MYO9A: variants seen among roughly 807,000 people sequenced by gnomAD.
MYO9A encodes the protein myosin IXA, also known as unconventional myosin-IXa.
MYO9A carries 103 observed loss-of-function variants against 293.3 expected under a neutral mutation model. That is an observed-to-expected ratio of 0.35 (90% CI 0.30 to 0.41). The LOEUF (loss-of-function observed/expected upper bound fraction) is 0.41. MYO9A is among the 10% of genes least tolerant of loss of function. The pLI, the probability that MYO9A is intolerant of heterozygous loss-of-function variation, is 1.00. For missense variants in MYO9A, 2,685 were observed against 3,033.0 expected (o/e 0.89, Z 2.69); for synonymous variants, 1,001 against 1,035.7 (o/e 0.97, Z 0.64).
At chr15:72,004,464 G>A (rs1248025189) in intron 8 of MYO9A, among the ~76,000 whole-genome samples, 1 of 152,162 alleles carries the variant, frequency 6.6e-6, no homozygotes, top group African/African-American at 2.4e-5. Flanking sequence ...GGCTGAGGCA[G>A]GAGAATGGCT....
At chr15:71,997,295 T>G (rs1300947722) in intron 9 of MYO9A, among the ~76,000 whole-genome samples, 1 of 152,116 alleles carries the variant, frequency 6.6e-6, no homozygotes, top group East Asian at 1.9e-4. Flanking sequence ...AAATAGAGTT[T>G]TTATATATTT....
At chr15:72,009,446 C>T (rs975506768) in intron 7 of MYO9A, among the ~76,000 whole-genome samples, 2 of 151,820 alleles carry the variant, frequency 1.3e-5, no homozygotes, top group East Asian at 1.9e-4. Context: ...CAACAGAGGG[C>T]GGGCGCAGTG....
At chr15:72,103,098 A>G (rs1178107754) in intron 1 of MYO9A, among the ~76,000 whole-genome samples, 1 of 145,950 alleles carries the variant, frequency 6.9e-6, no homozygotes, top group African/African-American at 2.5e-5. Flanking sequence ...TCCTCGGCTG[A>G]GGAAGGAGAA....
At chr15:71,851,491 G>GA in intron 36 of MYO9A, 133 bp from the exon 37 acceptor site, 1 of 568,572 alleles carries the variant, frequency 1.8e-6, no homozygotes, top group Non-Finnish European at 3.0e-6. Context: ...GGCAGGAGAA[G>GA]AGCAACTCAC....
intron 2 of MYO9A, chr15:72,041,423 A>T: frequency 2.7e-6 from 1 of 375,668 alleles, no homozygotes; most frequent in Admixed American, 3.6e-5. Context: ...CCACGTTGTG[A>T]ACAGAAGGAC....
At chr15:72,032,633 A>G in intron 2 of MYO9A, 45 bp from the exon 3 acceptor site, 1 of 1,227,790 alleles carries the variant, frequency 8.1e-7, no homozygotes, top group Non-Finnish European at 1.1e-6. Context: ...AAAAAAAAAA[A>G]TTTTTTTTTG....
chr15:72,117,135 G>C (rs2081014028), intron 1 of MYO9A: 1 of 152,308 alleles, frequency 6.6e-6, no homozygotes, highest in Non-Finnish European at 1.5e-5. Flanking sequence ...CTGTGACGGT[G>C]TCTAGAGGGA....
intron 15 of MYO9A, 196 bp downstream of exon 15, chr15:71,951,581 C>A: frequency 1.9e-6 from 1 of 518,366 alleles, no homozygotes; most frequent in Non-Finnish European, 3.2e-6. Flanking sequence ...ACAGAAAAGT[C>A]ACCAAAGTTA....
intron 19 of MYO9A, 132 bp downstream of exon 19, chr15:71,916,238 G>T: frequency 1.0e-6 from 1 of 1,001,292 alleles, no homozygotes. Flanking sequence ...TTTCCAAAAT[G>T]ATCAGTAATA....
intron 18 of MYO9A, among the ~76,000 whole-genome samples, chr15:71,933,187 T>C (rs2058528146): frequency 6.6e-6 from 1 of 152,102 alleles, no homozygotes; most frequent in South Asian, 2.1e-4. Context: ...GGAATGCAAA[T>C]TATAGCTGCA....
chr15:72,057,799 A>G (rs1345403711), intron 1 of MYO9A, among the ~76,000 whole-genome samples: 1 of 152,234 alleles, frequency 6.6e-6, no homozygotes, highest in Non-Finnish European at 1.5e-5. Context: ...TTATCAACAT[A>G]TTTGAGCCAC....
At chr15:72,036,325 T>C (rs1022580266) in intron 2 of MYO9A, among the ~76,000 whole-genome samples, 1 of 152,048 alleles carries the variant, frequency 6.6e-6, no homozygotes, top group African/African-American at 2.4e-5. Flanking sequence ...CCTCTAAACA[T>C]CCTCTCCTTC....
chr15:72,028,566 G>A (rs1438905929), intron 3 of MYO9A, among the ~76,000 whole-genome samples: 3 of 151,250 alleles, frequency 2.0e-5, no homozygotes, highest in Admixed American at 6.6e-5. Flanking sequence ...AGAATCACTT[G>A]AACCCGGGAG....
At position 72,002,372 on chromosome 15, in the gene MYO9A, C is replaced by G. The variant is rs145410805; in HGVS notation, c.1381-2432G>C. 2.6e-5 allele frequency among the ~76,000 whole-genome samples: 4 copies of G among 151,958 alleles called. No homozygotes were observed. In the East Asian group the frequency reaches 5.8e-4, roughly 22 times the overall value. On this transcript the variant is annotated intron_variant, in intron 8 of 41. Transcript: ENST00000356056. The stretch of plus-strand genomic sequence containing the variant: ...AAGCAATTCTTCTGCCTCAGCCTCC[C>G]GAGTAGCTGGGATTAGAGACGGGGT...
At chr15:71,848,118 A>T (rs775159765) in intron 39 of MYO9A, among the ~76,000 whole-genome samples, 3 of 151,758 alleles carry the variant, frequency 2.0e-5, no homozygotes, top group Non-Finnish European at 2.9e-5. Context: ...CAATAAATAA[A>T]CCTTAATGCA....
chr15:71,831,553 A>G (rs549777549), intron 39 of MYO9A, among the ~76,000 whole-genome samples: 23 of 152,214 alleles, frequency 1.5e-4, no homozygotes, highest in Non-Finnish European at 3.2e-4. Flanking sequence ...CTGAAATTAT[A>G]AAAGTCCTTG....
chr15:71,885,373 T>A (rs550987987), intron 27 of MYO9A, among the ~76,000 whole-genome samples: 1 of 152,194 alleles, frequency 6.6e-6, no homozygotes, highest in East Asian at 1.9e-4. Context: ...AGAGGATTTT[T>A]AAAATTTGCT....
intron 15 of MYO9A, among the ~76,000 whole-genome samples, chr15:71,949,847 G>A (rs760615464): frequency 1.6e-4 from 25 of 152,128 alleles, no homozygotes; most frequent in Non-Finnish European, 1.6e-4. Context: ...CAGTATGGTG[G>A]TGGTGGTGGT....
intron 1 of MYO9A, among the ~76,000 whole-genome samples, chr15:72,103,058 T>C (rs1352367179): frequency 0.062 from 4 of 64 alleles, no homozygotes; most frequent in Non-Finnish European, 0.14. Context: ...CTCTGTTCAC[T>C]GAACCTCCAC....
Sources: gnomAD v4.1 joint callset for allele counts (sites outside exome capture counted in the v4.1 genomes callset) on GRCh38, gnomAD v4.1.1 for gene constraint, MANE v1.5 for transcripts, NCBI Gene and HGNC (gene_info 2026-07-23, HGNC 2026-07-21) for gene names.